The following PTGR2 variants were observed in gnomAD, a reference collection of about 807,000 sequenced individuals.
PTGR2 encodes the protein prostaglandin reductase 2.
A neutral mutation model predicts 43.4 loss-of-function variants in PTGR2; 32 were observed. That is an observed-to-expected ratio of 0.74 (90% CI 0.56 to 0.99). The LOEUF (loss-of-function observed/expected upper bound fraction) is 0.99, where lower values mean the gene tolerates loss of function less well. Ranked by LOEUF, PTGR2 falls within the 50% of genes least tolerant of loss-of-function variation. PTGR2 has a pLI of 0.00. For synonymous variants in PTGR2, 106 were observed against 139.2 expected (o/e 0.76, Z 1.68); for missense variants, 373 against 420.0 (o/e 0.89, Z 0.98).
At chr14:73,874,646 A>G (rs79069965) in intron 4 of PTGR2, 1 of 454,464 alleles carries the variant, frequency 2.2e-6, no homozygotes, top group Non-Finnish European at 4.4e-6. Flanking sequence ...CAATCCTCCC[A>G]CCTCAGCCTC....
intron 1 of PTGR2, among the ~76,000 whole-genome samples, chr14:73,857,664 G>GTTTTGTTTTTTTTTTT (rs2054383610): frequency 4.6e-5 from 3 of 64,696 alleles, no homozygotes; most frequent in Non-Finnish European, 8.1e-5. Context: ...AGCAGTTAGT[G>GTTTTGTTTTTTTTTTT]TTTTTTTTTT....
Position 73,884,450 on chromosome 14 carries a change from T to A in PTGR2, c.*273T>A, listed in dbSNP as rs1246534212. On this transcript the variant is annotated 3_prime_UTR_variant, in exon 10 of 10. Transcript: ENST00000555661. Reference sequence around the variant, plus strand: ...AAGATTTGTTAAACTGGAAACGTTTTACATGATCTGATACAACCATTAATG... The same window carrying A: ...AAGATTTGTTAAACTGGAAACGTTTAACATGATCTGATACAACCATTAATG... The A allele has an allele frequency of 1.3e-5, 3 of 228,574 alleles. No homozygotes were observed. Among genetic ancestry groups the A allele is most frequent in the Non-Finnish European group, 1.7e-5 (2 of 119,738 alleles). The allele number at this position is 228,574 out of a possible 1,614,324, so 14.2% of individuals were successfully genotyped here.
chr14:73,866,927 A>C (rs1246657986), intron 3 of PTGR2, among the ~76,000 whole-genome samples: 1 of 151,904 alleles, frequency 6.6e-6, no homozygotes, highest in African/African-American at 2.4e-5. Flanking sequence ...CGTCTCTACT[A>C]AGAATACAAA....
chr14:73,863,922 T>C (rs1426147404), intron 3 of PTGR2, among the ~76,000 whole-genome samples: 1 of 152,054 alleles, frequency 6.6e-6, no homozygotes. Flanking sequence ...GGCCGACTCA[T>C]ATCTAAGAAG....
chr14:73,858,969 T>A, intron 2 of PTGR2, 70 bp downstream of exon 2: 1 of 1,225,420 alleles, frequency 8.2e-7, no homozygotes, highest in East Asian at 2.4e-5. Context: ...GAATAAAAAC[T>A]AATGTGATGT....
rs535360295 is a variant in PTGR2 at position 73,863,796 on chromosome 14, A to T, written c.156+3139A>T. Among the ~76,000 whole-genome samples the T allele has an allele frequency of 4.1e-3, 629 of 152,036 alleles. 4 individuals are homozygous for T. Among genetic ancestry groups the T allele is most frequent in the Non-Finnish European group, 6.4e-3 (436 of 67,978 alleles). ...ACACCCAGCTAATTTTTGTATTTTT[A>T]GTAGAGATGGGGTTTCACCATGTTG... On this transcript the variant is annotated intron_variant, in intron 3 of 9. Coordinates refer to ENST00000555661, the MANE Select transcript of PTGR2 (RefSeq NM_001146154.2).
intron 3 of PTGR2, among the ~76,000 whole-genome samples, chr14:73,862,572 G>A (rs529562265): frequency 4.6e-5 from 7 of 152,052 alleles, no homozygotes; most frequent in Non-Finnish European, 8.8e-5. Flanking sequence ...AAGAGTGCCC[G>A]TACAAAGGAT....
intron 3 of PTGR2, among the ~76,000 whole-genome samples, chr14:73,863,139 C>A (rs1017746781): frequency 1.3e-5 from 2 of 152,166 alleles, no homozygotes; most frequent in Admixed American, 6.5e-5. Context: ...AGTTTTACAA[C>A]ATTTTCATCC....
At chr14:73,863,659 G>T (rs1433369902) in intron 3 of PTGR2, among the ~76,000 whole-genome samples, 1 of 149,368 alleles carries the variant, frequency 6.7e-6, no homozygotes, top group Admixed American at 6.7e-5. Context: ...CTATCCCCCA[G>T]GCTGGAGTGC....
intron 1 of PTGR2, among the ~76,000 whole-genome samples, chr14:73,855,418 A>G (rs2054322969): frequency 1.3e-5 from 2 of 152,150 alleles, no homozygotes. Flanking sequence ...TGTCATAGTC[A>G]TCAGAACGTT....
chr14:73,876,051 C>T (rs910603213), intron 4 of PTGR2, among the ~76,000 whole-genome samples: 5 of 151,876 alleles, frequency 3.3e-5, no homozygotes, highest in African/African-American at 1.2e-4. Context: ...GAACTCCTGA[C>T]CACATGATCC....
chr14:73,852,301 G>T (rs2054247544), intron 1 of PTGR2, among the ~76,000 whole-genome samples: 1 of 152,014 alleles, frequency 6.6e-6, no homozygotes, highest in Non-Finnish European at 1.5e-5. Context: ...TCTGTCTGTC[G>T]CCCAGGTTGG....
intron 3 of PTGR2, among the ~76,000 whole-genome samples, chr14:73,868,476 A>G (rs1386804401): frequency 1.3e-5 from 2 of 152,126 alleles, no homozygotes; most frequent in African/African-American, 2.4e-5. Context: ...TTGACATCTT[A>G]GGGGGCTTGT....
intron 6 of PTGR2, 37 bp downstream of exon 6, chr14:73,879,342 C>A: frequency 6.4e-7 from 1 of 1,557,872 alleles, no homozygotes; most frequent in African/African-American, 1.4e-5. Flanking sequence ...TTGAATACTG[C>A]ACTTTATATG....
chr14:73,863,102 C>T (rs975821835), intron 3 of PTGR2, among the ~76,000 whole-genome samples: 4 of 152,148 alleles, frequency 2.6e-5, no homozygotes, highest in African/African-American at 7.2e-5. Context: ...AGTATATTCA[C>T]GGAATTCTGC....
intron 5 of PTGR2, chr14:73,878,585 A>G: frequency 2.5e-6 from 1 of 394,900 alleles, no homozygotes; most frequent in Non-Finnish European, 4.8e-6. Flanking sequence ...AGCGGCAACA[A>G]GCTGTAGCTC....
Position 73,880,134 on chromosome 14 carries a change from C to G in PTGR2, c.809C>G (p.Ser270Cys). The G allele has an allele frequency of 6.2e-7, 1 of 1,613,972 alleles. No individual in the cohort carries two copies. Reference sequence around the variant, plus strand: ...GATGTGCCTTATCCTCCCCCGCTATCCCCTGCTATAGAGGCAATCCAGAAA... The same window carrying G: ...GATGTGCCTTATCCTCCCCCGCTATGCCCTGCTATAGAGGCAATCCAGAAA... Reference protein sequence around the residue: ...NKDVPYPPPLSPAIEAIQKER... With the variant: ...NKDVPYPPPLCPAIEAIQKER... Residue 270 changes from serine to cysteine, a missense_variant, in exon 7 of 10, where the codon TCC (serine) becomes TGC (cysteine). Ser to Cys is a moderately radical substitution (Grantham distance 112). Transcript: ENST00000555661.
At chr14:73,877,251 C>A in intron 5 of PTGR2, 83 bp downstream of exon 5, 3 of 1,213,006 alleles carry the variant, frequency 2.5e-6, no homozygotes, top group Non-Finnish European at 3.5e-6. Flanking sequence ...TATATGTATA[C>A]CATTAAAAAT....
intron 3 of PTGR2, among the ~76,000 whole-genome samples, chr14:73,862,480 T>G (rs2054515769): frequency 6.6e-6 from 1 of 152,172 alleles, no homozygotes; most frequent in South Asian, 2.1e-4. Flanking sequence ...GTGCTGGGAT[T>G]ACAGGCGTGA....
Sources: allele counts gnomAD v4.1 joint callset (sites outside exome capture counted in the v4.1 genomes callset), GRCh38; gene constraint gnomAD v4.1.1; transcripts MANE v1.5; gene names NCBI Gene and HGNC (gene_info 2026-07-23, HGNC 2026-07-21).